TENM3: variants seen among roughly 807,000 people sequenced by gnomAD.
TENM3 encodes the protein teneurin transmembrane protein 3, also known as teneurin-3.
A neutral mutation model predicts 255.1 loss-of-function variants in TENM3; 63 were observed. The ratio of observed to expected loss-of-function variants is 0.25; its 90% CI spans 0.20 to 0.30. The LOEUF (loss-of-function observed/expected upper bound fraction) is 0.30. Among genes scored for constraint, TENM3 ranks in the 10% least tolerant of loss-of-function variants. The probability of loss-of-function intolerance (pLI) is 1.00; values close to 1 mark genes in which losing one functional copy is unlikely to be tolerated. For missense variants in TENM3, 2,929 were observed against 3,461.1 expected, an observed-to-expected ratio of 0.85 and a Z score of 3.86; for synonymous variants, 1,306 against 1,322.3, an observed-to-expected ratio of 0.99 and a Z score of 0.27.
In TENM3 at chr4:182,417,123, G is replaced by A. The variant is rs191014580; in HGVS notation, c.511+70194G>A. On this transcript the variant is annotated intron_variant, in intron 3 of 27. Coordinates refer to ENST00000511685, the MANE Select transcript of TENM3 (RefSeq NM_001080477.4). ...CGAGTAGCTGGGATTACAGGCGCCTGCCACCACGCCCAGCTAATTTTTTTT... is the reference window on the plus strand; with the variant it reads ...CGAGTAGCTGGGATTACAGGCGCCTACCACCACGCCCAGCTAATTTTTTTT... Among the ~76,000 whole-genome samples, 650 of 152,048 alleles carry A rather than the reference G, an allele frequency of 4.3e-3. 1 individual carries two copies. Among genetic ancestry groups the A allele is most frequent in the Middle Eastern group, 0.01 (3 of 294 alleles).
the TENM3 span, among the ~76,000 whole-genome samples, chr4:181,486,195 C>A: frequency 4.6e-5 from 7 of 152,166 alleles, no homozygotes; most frequent in Non-Finnish European, 8.8e-5. Context: ...GCAATACACA[C>A]CAGGTACAGA....
chr4:182,783,461 C>T (rs1191081937), intron 24 of TENM3, among the ~76,000 whole-genome samples: 1 of 152,116 alleles, frequency 6.6e-6, no homozygotes, highest in Non-Finnish European at 1.5e-5. Flanking sequence ...GAGGGTAACT[C>T]GACCTTTCTC....
the TENM3 span, among the ~76,000 whole-genome samples, chr4:181,495,292 T>A: frequency 2.0e-5 from 3 of 152,056 alleles, no homozygotes; most frequent in Non-Finnish European, 1.5e-5. Context: ...GCGAAGGAGT[T>A]GGGAAATCAG....
At chr4:181,900,994 T>G in the TENM3 span, among the ~76,000 whole-genome samples, 76 of 152,328 alleles carry the variant, frequency 5.0e-4, no homozygotes, top group African/African-American at 1.8e-3. Context: ...ATTTTTAACT[T>G]TCTTTCAGAT....
the TENM3 span, among the ~76,000 whole-genome samples, chr4:181,994,599 G>T: frequency 1.1e-5 from 1 of 93,436 alleles, no homozygotes; most frequent in Admixed American, 1.2e-4. Context: ...TTTAAGGCTT[G>T]AATTGTTTTC....
chr4:182,508,478 TATC>T (rs1215380518), intron 3 of TENM3, among the ~76,000 whole-genome samples: 19 of 148,568 alleles, frequency 1.3e-4, no homozygotes, highest in African/African-American at 5.0e-4. Flanking sequence ...TAATTATCAC[TATC>T]ATCATTATTT....
At chr4:182,582,075 G>A (rs1221144179) in intron 3 of TENM3, among the ~76,000 whole-genome samples, 1 of 152,122 alleles carries the variant, frequency 6.6e-6, no homozygotes, top group Non-Finnish European at 1.5e-5. Context: ...TTAATATGCA[G>A]TGTAGTTTCC....
rs764842540 is a variant in TENM3, at chr4:182,792,411, C to T, written c.5739C>T (p.Asn1913=). The change falls in exon 26 of 28, where the codon AAC becomes AAT. Residue 1913 remains asparagine, a synonymous_variant. Coordinates refer to ENST00000511685, the MANE Select transcript of TENM3 (RefSeq NM_001080477.4). This position sits in a 1 kb window ranked among gnomAD's most constrained non-coding sequence, Gnocchi z 6.3. The stretch of plus-strand genomic sequence containing the variant: ...TCCGATCCATTGGCTACTACCGCAA[C>T]ATATACAACCCCCCGGAAAGCAACG... ...QTIRSIGYYR[N]IYNPPESNAS... 6.8e-6 allele frequency: 11 copies of T among 1,613,926 alleles called. No homozygotes were observed. In the Admixed American group the frequency reaches 1.3e-4, roughly 20 times the overall value.
At chr4:181,889,657 A>T in the TENM3 span, among the ~76,000 whole-genome samples, 1 of 152,176 alleles carries the variant, frequency 6.6e-6, no homozygotes, top group East Asian at 1.9e-4. Context: ...GTGCTTCAAG[A>T]CTGCTCTTGC....
At chr4:181,971,852 G>T in the TENM3 span, among the ~76,000 whole-genome samples, 2 of 151,830 alleles carry the variant, frequency 1.3e-5, no homozygotes, top group Non-Finnish European at 2.9e-5. Context: ...TTACAGTCAT[G>T]CACCACTGCA....
the TENM3 span, among the ~76,000 whole-genome samples, chr4:181,989,864 C>CTT: frequency 6.6e-6 from 1 of 152,080 alleles, no homozygotes; most frequent in East Asian, 1.9e-4. Flanking sequence ...GTAGGTAGGT[C>CTT]TTAATTAGAT....
At chr4:181,833,399 C>T in the TENM3 span, among the ~76,000 whole-genome samples, 1 of 152,168 alleles carries the variant, frequency 6.6e-6, no homozygotes, top group South Asian at 2.1e-4. Context: ...TTACTGTACT[C>T]TGCCTCCAAC....
At chr4:182,058,891 C>T in the TENM3 span, among the ~76,000 whole-genome samples, 1 of 150,646 alleles carries the variant, frequency 6.6e-6, no homozygotes, top group Non-Finnish European at 1.5e-5. Context: ...TTGAAATCAG[C>T]TTTTACTGTT....
the TENM3 span, among the ~76,000 whole-genome samples, chr4:181,658,664 T>C: frequency 0.018 from 2,786 of 152,348 alleles, 99 homozygotes; most frequent in African/African-American, 0.064. Context: ...GAGAGCATTT[T>C]GGAATGCTTA....
intron 3 of TENM3, among the ~76,000 whole-genome samples, chr4:182,430,270 C>T (rs923287320): frequency 3.9e-5 from 6 of 152,196 alleles, no homozygotes; most frequent in Admixed American, 1.3e-4. Flanking sequence ...GACTGTAGGC[C>T]GGGCGCAGTG....
In TENM3 at chr4:182,161,855, ATATATGTG is replaced by A. The variant is rs1561153981; in HGVS notation, c.-76+17107_-76+17114del. ...TATATATGTGTATATATACACAAAT[ATATATGTG>A]TATATATGTGTATATATATACACAC... On this transcript the variant is annotated intron_variant, in intron 1 of 2. Transcript: ENST00000512480. Among the ~76,000 whole-genome samples, 24 of 37,946 alleles carry A rather than the reference ATATATGTG, an allele frequency of 6.3e-4. 2 individuals are homozygous for A. Among genetic ancestry groups the A allele is most frequent in the African/African-American group, 1.4e-3 (20 of 14,006 alleles). 24.9% of individuals were successfully genotyped at this position (37,946 alleles called of 152,430 possible).
Position 182,680,717 on chromosome 4 carries a change from A to C in TENM3, c.1814A>C (p.Lys605Thr). The change falls in exon 10 of 28, where the codon AAA (lysine) becomes ACA (threonine). Residue 605 changes from lysine (K) to threonine (T), a missense_variant. By Grantham distance (78) the Lys-to-Thr change is moderately conservative. Around this residue, in one of 6 missense-constraint regions of TENM3, gnomAD observed 1,608 missense variants for 1,884.4 expected, o/e 0.85. Coordinates refer to ENST00000511685, the MANE Select transcript of TENM3 (RefSeq NM_001080477.4). ...MGSCACNSGY[K>T]GESCEEADCI... The stretch of plus-strand genomic sequence containing the variant: ...TCTTGTGCTTGCAACTCAGGATACA[A>C]AGGAGAAAGTTGTGAAGAAGGTAAA... 1.9e-6 allele frequency: 3 copies of C among 1,571,488 alleles called. No individual in the cohort carries two copies. The highest frequency in any genetic ancestry group is 2.3e-5 in the East Asian group (1 of 44,280).
chr4:181,458,314 C>A, the TENM3 span, among the ~76,000 whole-genome samples: 1 of 151,774 alleles, frequency 6.6e-6, no homozygotes, highest in Non-Finnish European at 1.5e-5. Flanking sequence ...AGGTTTTTTG[C>A]TTTTAGAACA....
chr4:182,722,451 C>T (rs1038518510), intron 13 of TENM3, among the ~76,000 whole-genome samples: 1 of 152,004 alleles, frequency 6.6e-6, no homozygotes, highest in African/African-American at 2.4e-5. Flanking sequence ...TCTGGGGATA[C>T]GATAGTAGGG....
Sources: allele counts gnomAD v4.1 joint callset (sites outside exome capture counted in the v4.1 genomes callset), GRCh38; gene constraint gnomAD v4.1.1; regional missense constraint gnomAD v4.1.1; non-coding constraint Gnocchi (gnomAD v3.1); transcripts MANE v1.5; gene names NCBI Gene and HGNC (gene_info 2026-07-23, HGNC 2026-07-21).